Variants in IPCEF1 observed in about 807,000 individuals in gnomAD.
The protein encoded by IPCEF1 is interaction protein for cytohesin exchange factors 1.
IPCEF1 carries 31 observed loss-of-function variants against 50.9 expected under a neutral mutation model. That is an observed-to-expected ratio of 0.61 (90% CI 0.46 to 0.82). IPCEF1 has a LOEUF of 0.82. Among genes scored for constraint, IPCEF1 ranks in the 40% least tolerant of loss-of-function variants. The pLI, the probability that IPCEF1 is intolerant of heterozygous loss-of-function variation, is 0.00. For synonymous variants in IPCEF1, 181 were observed against 192.0 expected (o/e 0.94, Z 0.47); for missense variants, 458 against 514.0 (o/e 0.89, Z 1.05).
intron 9 of IPCEF1, among the ~76,000 whole-genome samples, chr6:154,201,869 T>A (rs1777099209): frequency 6.6e-6 from 1 of 152,186 alleles, no homozygotes; most frequent in African/African-American, 2.4e-5. Context: ...TACTCCAGCC[T>A]GGGCAACAGA....
chr6:154,251,238 A>G (rs1781329486), intron 3 of IPCEF1, among the ~76,000 whole-genome samples: 1 of 152,202 alleles, frequency 6.6e-6, no homozygotes, highest in African/African-American at 2.4e-5. Context: ...TTCTAACAAT[A>G]ATAACAGAAG....
intron 1 of IPCEF1, among the ~76,000 whole-genome samples, chr6:154,329,425 G>A (rs904366655): frequency 5.3e-5 from 8 of 151,790 alleles, no homozygotes; most frequent in Non-Finnish European, 1.0e-4. Flanking sequence ...GTGAGACTCT[G>A]CCTCTACAAA....
intron 3 of IPCEF1, among the ~76,000 whole-genome samples, chr6:154,260,723 G>A (rs956555272): frequency 3.3e-5 from 5 of 152,008 alleles, no homozygotes; most frequent in African/African-American, 9.7e-5. Context: ...CACCTGTCTC[G>A]GCCTCCCAAA....
chr6:154,355,386 G>A (rs527335041), intron 1 of IPCEF1, among the ~76,000 whole-genome samples: 3 of 152,242 alleles, frequency 2.0e-5, no homozygotes, highest in Non-Finnish European at 4.4e-5. Context: ...TAAAGAATGA[G>A]TTCATCAACA....
At chr6:154,321,006 C>T (rs1562288078) in intron 1 of IPCEF1, among the ~76,000 whole-genome samples, 1 of 152,018 alleles carries the variant, frequency 6.6e-6, no homozygotes, top group Non-Finnish European at 1.5e-5. Context: ...AATTATGGCT[C>T]ACTAGCCTTG....
chr6:154,298,890 AGGCGGAG>A (rs1583962844), intron 1 of IPCEF1, among the ~76,000 whole-genome samples: 20 of 142,046 alleles, frequency 1.4e-4, no homozygotes, highest in South Asian at 4.4e-4. Flanking sequence ...TGAACCCAGG[AGGCGGAG>A]GTTGCAGTAA....
intron 2 of IPCEF1, among the ~76,000 whole-genome samples, chr6:154,282,177 A>AAAATAAAT (rs1329215811): frequency 1.3e-5 from 2 of 152,160 alleles, no homozygotes; most frequent in Non-Finnish European, 2.9e-5. Context: ...TCAAAATTAA[A>AAAATAAAT]AAATAAATAA....
In IPCEF1 at chr6:154,177,654, G is replaced by A. The variant is rs189712480; in HGVS notation, c.911-9541C>T. The stretch of plus-strand genomic sequence containing the variant: ...TCAGGAAATAACAGATGCTGGAGAG[G>A]ATGTGGAGAAATAGGAACACTTTTA... On this transcript the variant is annotated intron_variant, in intron 10 of 11. Transcript: ENST00000367220. Among the ~76,000 whole-genome samples, 390 of 152,340 alleles carry A rather than the reference G, an allele frequency of 2.6e-3. 3 individuals carry two copies. Among genetic ancestry groups the A allele is most frequent in the Middle Eastern group, 0.01 (3 of 294 alleles).
chr6:154,179,789 A>ATT (rs141550500), intron 10 of IPCEF1, among the ~76,000 whole-genome samples: 2 of 152,328 alleles, frequency 1.3e-5, no homozygotes, highest in East Asian at 3.9e-4. Context: ...GTTAAGAATA[A>ATT]AAGTTCACTT....
chr6:154,249,446 A>G (rs1043050606), intron 3 of IPCEF1, among the ~76,000 whole-genome samples: 2 of 152,186 alleles, frequency 1.3e-5, no homozygotes, highest in South Asian at 4.1e-4. Flanking sequence ...GATTTGGGAA[A>G]TCTGGGGTCC....
At chr6:154,185,381 G>A (rs1801247510) in intron 10 of IPCEF1, among the ~76,000 whole-genome samples, 1 of 152,128 alleles carries the variant, frequency 6.6e-6, no homozygotes, top group African/African-American at 2.4e-5. Flanking sequence ...ATTTCTAACA[G>A]GTACTTTGTA....
chr6:154,164,741 A>G (rs1799293406), intron 11 of IPCEF1, among the ~76,000 whole-genome samples: 1 of 152,256 alleles, frequency 6.6e-6, no homozygotes, highest in Non-Finnish European at 1.5e-5. Context: ...GACATAGGTC[A>G]GAGTAACTCA....
At chr6:154,315,786 C>T (rs1307086891) in intron 1 of IPCEF1, among the ~76,000 whole-genome samples, 1 of 151,996 alleles carries the variant, frequency 6.6e-6, no homozygotes, top group Non-Finnish European at 1.5e-5. Flanking sequence ...TGATGAAAAT[C>T]TAAGTACAGA....
intron 1 of IPCEF1, among the ~76,000 whole-genome samples, chr6:154,321,244 A>T (rs1293929): frequency 0.12 from 18,676 of 152,128 alleles, 1,484 homozygotes; most frequent in Non-Finnish European, 0.18. Context: ...ATGTATATAC[A>T]TGAATAAATG....
intron 3 of IPCEF1, among the ~76,000 whole-genome samples, chr6:154,251,106 A>C (rs1308317128): frequency 3.9e-5 from 6 of 152,216 alleles, no homozygotes; most frequent in Admixed American, 3.3e-4. Context: ...ATAGACATTT[A>C]CCTGTGAAAA....
chr6:154,321,778 T>TAAAAAAAAAA (rs61648946), intron 1 of IPCEF1, among the ~76,000 whole-genome samples: 46 of 51,930 alleles, frequency 8.9e-4, no homozygotes, highest in Non-Finnish European at 1.0e-3. Flanking sequence ...AGACTCTTTC[T>TAAAAAAAAAA]AAAAAAAAAA....
At chr6:154,318,819 A>T (rs556438745) in intron 1 of IPCEF1, among the ~76,000 whole-genome samples, 1 of 152,278 alleles carries the variant, frequency 6.6e-6, no homozygotes. Flanking sequence ...CCATACACAA[A>T]AGCTAATTTC....
chr6:154,281,914 G>A (rs563985603), intron 2 of IPCEF1, among the ~76,000 whole-genome samples: 14 of 152,202 alleles, frequency 9.2e-5, no homozygotes, highest in Non-Finnish European at 1.8e-4. Context: ...TGAGACAGGA[G>A]AATAACCTGA....
chr6:154,191,828 G>A (rs978916631), intron 10 of IPCEF1, among the ~76,000 whole-genome samples: 1 of 152,156 alleles, frequency 6.6e-6, no homozygotes, highest in African/African-American at 2.4e-5. Flanking sequence ...AGGAAATTGT[G>A]TATGGAATGG....
Sources: gnomAD v4.1 joint callset for allele counts (sites outside exome capture counted in the v4.1 genomes callset) on GRCh38, gnomAD v4.1.1 for gene constraint, MANE v1.5 for transcripts, NCBI Gene and HGNC (gene_info 2026-07-23, HGNC 2026-07-21) for gene names.